The following FTO variants were observed in gnomAD, a reference collection of about 807,000 sequenced individuals.
The protein encoded by FTO is FTO alpha-ketoglutarate dependent dioxygenase, also known as alpha-ketoglutarate-dependent dioxygenase FTO.
Under a neutral mutation model 63.9 loss-of-function variants are expected in FTO, and 47 were observed. The observed-to-expected ratio is 0.74, with a 90% CI of 0.58 to 0.94. The LOEUF is 0.94. Among genes scored for constraint, FTO ranks in the 40% least tolerant of loss-of-function variants. FTO has a pLI of 0.00. For missense variants in FTO, 562 were observed against 618.1 expected, an observed-to-expected ratio of 0.91 and a Z score of 0.96; for synonymous variants, 207 against 224.4, an observed-to-expected ratio of 0.92 and a Z score of 0.69.
At chr16:54,018,384 T>TGATAGATA (rs5816918) in intron 8 of FTO, among the ~76,000 whole-genome samples, 30,750 of 89,980 alleles carry the variant, frequency 0.34, 4,116 homozygotes, top group East Asian at 0.42. Flanking sequence ...GATAGATAGA[T>TGATAGATA]GATAGATAGA....
At chr16:53,841,734 A>G (rs1012761953) in intron 3 of FTO, among the ~76,000 whole-genome samples, 3 of 152,176 alleles carry the variant, frequency 2.0e-5, no homozygotes, top group Admixed American at 2.0e-4. Context: ...TCTGGGATGC[A>G]TGTATTTTTT....
chr16:54,081,442 A>G (rs549194035), intron 8 of FTO, among the ~76,000 whole-genome samples: 1 of 152,168 alleles, frequency 6.6e-6, no homozygotes, highest in South Asian at 2.1e-4. Flanking sequence ...ATCCAGCCTG[A>G]CACCCAATCA....
chr16:53,866,011 T>C (rs1033461959), intron 4 of FTO, among the ~76,000 whole-genome samples: 1 of 152,234 alleles, frequency 6.6e-6, no homozygotes, highest in Non-Finnish European at 1.5e-5. Flanking sequence ...TTCATACCGC[T>C]AAGTATGATA....
intron 1 of FTO, among the ~76,000 whole-genome samples, chr16:53,724,793 G>A (rs991560400): frequency 4.6e-5 from 7 of 152,228 alleles, no homozygotes; most frequent in Middle Eastern, 6.8e-3. Context: ...CCACAGAGTC[G>A]GAAGCCCCGA....
intron 7 of FTO, among the ~76,000 whole-genome samples, chr16:53,906,416 G>C (rs962903699): frequency 3.3e-5 from 5 of 151,918 alleles, no homozygotes; most frequent in African/African-American, 9.7e-5. Context: ...GAACAGGAAG[G>C]CTCCCTCACT....
intron 8 of FTO, among the ~76,000 whole-genome samples, chr16:54,036,130 T>C (rs2084935689): frequency 6.6e-6 from 1 of 152,216 alleles, no homozygotes; most frequent in Non-Finnish European, 1.5e-5. Context: ...TCAGATAGGT[T>C]GGTGGATTAA....
chr16:53,984,190 G>A (rs1186757643), intron 8 of FTO, among the ~76,000 whole-genome samples: 3 of 152,030 alleles, frequency 2.0e-5, no homozygotes, highest in Non-Finnish European at 2.9e-5. Context: ...CTTCGTTAAG[G>A]CCAACTTTTA....
chr16:54,076,432 TC>T (rs1293133196), intron 8 of FTO, among the ~76,000 whole-genome samples: 2 of 152,266 alleles, frequency 1.3e-5, no homozygotes, highest in African/African-American at 4.8e-5. Context: ...ACATTTGAGT[TC>T]CACAAAGCAA....
At chr16:53,858,053 G>T (rs2080059687) in intron 4 of FTO, among the ~76,000 whole-genome samples, 1 of 151,668 alleles carries the variant, frequency 6.6e-6, no homozygotes, top group Admixed American at 6.6e-5. Context: ...ATAAACAAAG[G>T]ATAAACATAT....
intron 8 of FTO, among the ~76,000 whole-genome samples, chr16:54,047,046 C>T (rs1413126983): frequency 1.4e-5 from 2 of 147,480 alleles, no homozygotes; most frequent in Non-Finnish European, 3.0e-5. Flanking sequence ...AGGACATAGG[C>T]GTAGGCAAGG....
At chr16:53,908,795 G>A (rs894841154) in intron 7 of FTO, among the ~76,000 whole-genome samples, 7 of 152,136 alleles carry the variant, frequency 4.6e-5, no homozygotes, top group African/African-American at 1.4e-4. Flanking sequence ...CTTGGCCCAC[G>A]TACAAGAATC....
chr16:53,903,009 G>C (rs6499655), intron 7 of FTO, among the ~76,000 whole-genome samples: 148,660 of 152,290 alleles, frequency 0.98, 72,575 homozygotes, highest in East Asian at 1. Context: ...ACTCGGGAGG[G>C]TGGGGCAGGA....
intron 8 of FTO, among the ~76,000 whole-genome samples, chr16:54,085,943 C>A (rs1356839463): frequency 6.6e-6 from 1 of 152,154 alleles, no homozygotes; most frequent in Non-Finnish European, 1.5e-5. Flanking sequence ...AGTGCCATTT[C>A]TTCTACATCC....
chr16:53,965,046 T>A (rs1012946306), intron 8 of FTO, among the ~76,000 whole-genome samples: 1 of 152,182 alleles, frequency 6.6e-6, no homozygotes, highest in African/African-American at 2.4e-5. Context: ...AGTTTCCTTG[T>A]TACTCCATTC....
intron 4 of FTO, among the ~76,000 whole-genome samples, chr16:53,849,082 T>C (rs2079713680): frequency 6.6e-6 from 1 of 152,214 alleles, no homozygotes; most frequent in East Asian, 1.9e-4. Context: ...CCTTCTTTTT[T>C]GGTTTTTCTT....
At chr16:53,980,775 C>A (rs1469514968) in intron 8 of FTO, among the ~76,000 whole-genome samples, 3 of 152,154 alleles carry the variant, frequency 2.0e-5, no homozygotes, top group African/African-American at 7.2e-5. Context: ...AAAGAAGCTT[C>A]CGTATTTAAA....
chr16:54,087,468 A>G (rs150320125), intron 8 of FTO, among the ~76,000 whole-genome samples: 83 of 152,292 alleles, frequency 5.5e-4, no homozygotes, highest in African/African-American at 1.9e-3. Flanking sequence ...AGACAGCCCT[A>G]CCTTTACTAC....
At chr16:54,104,915 A>G (rs1468656557) in intron 8 of FTO, among the ~76,000 whole-genome samples, 1 of 152,272 alleles carries the variant, frequency 6.6e-6, no homozygotes, top group Non-Finnish European at 1.5e-5. Context: ...TAGATTGATC[A>G]GCGAGGTTTT....
chr16:54,062,588 A>G (rs2085608058), intron 8 of FTO, among the ~76,000 whole-genome samples: 1 of 152,136 alleles, frequency 6.6e-6, no homozygotes, highest in Non-Finnish European at 1.5e-5. Context: ...CTGTTATCTG[A>G]ACCCATCATT....
Sources: gnomAD v4.1 joint callset for allele counts (sites outside exome capture counted in the v4.1 genomes callset) on GRCh38, gnomAD v4.1.1 for gene constraint, MANE v1.5 for transcripts, NCBI Gene and HGNC (gene_info 2026-07-23, HGNC 2026-07-21) for gene names.